The following FRMD4A variants were observed in gnomAD, a reference collection of about 807,000 sequenced individuals.
FRMD4A encodes the protein FERM domain-containing protein 4A.
FRMD4A carries 29 observed loss-of-function variants against 129.1 expected under a neutral mutation model. That is an observed-to-expected ratio of 0.22 (90% CI 0.17 to 0.31). FRMD4A has a LOEUF of 0.31. Ranked by LOEUF, FRMD4A falls within the 10% of genes least tolerant of loss-of-function variation. The pLI is 1.00. For missense variants in FRMD4A, 1,272 were observed against 1,375.8 expected, an observed-to-expected ratio of 0.92 and a Z score of 1.19; for synonymous variants, 634 against 571.6, an observed-to-expected ratio of 1.11 and a Z score of -1.56.
At chr10:13,654,283 C>G in intron 23 of FRMD4A, 133 bp downstream of exon 23, 1 of 710,654 alleles carries the variant, frequency 1.4e-6, no homozygotes, top group Non-Finnish European at 2.6e-6. Flanking sequence ...TGGGGCTTCT[C>G]TTGAAAGGAA....
intron 2 of FRMD4A, among the ~76,000 whole-genome samples, chr10:14,010,624 C>A (rs1327577468): frequency 7.3e-6 from 1 of 136,870 alleles, no homozygotes; most frequent in Non-Finnish European, 1.6e-5. Flanking sequence ...CCATGGGTGT[C>A]GGAGACTTAC....
intron 3 of FRMD4A, among the ~76,000 whole-genome samples, chr10:13,812,353 C>T (rs570693237): frequency 6.6e-6 from 1 of 152,162 alleles, no homozygotes; most frequent in Non-Finnish European, 1.5e-5. Context: ...GATTCGTGTC[C>T]TTATAAGAAG....
At chr10:13,958,875 G>A (rs1245265790) in intron 2 of FRMD4A, among the ~76,000 whole-genome samples, 1 of 152,042 alleles carries the variant, frequency 6.6e-6, no homozygotes. Context: ...ACGAGCCACC[G>A]TGCCCAGGCT....
chr10:13,931,374 G>T (rs2095192922), intron 2 of FRMD4A, among the ~76,000 whole-genome samples: 1 of 152,082 alleles, frequency 6.6e-6, no homozygotes, highest in African/African-American at 2.4e-5. Context: ...TGCAGTTTTA[G>T]CACTGGCCAA....
intron 2 of FRMD4A, among the ~76,000 whole-genome samples, chr10:13,887,519 A>C (rs1321400804): frequency 2.0e-5 from 3 of 152,152 alleles, no homozygotes. Flanking sequence ...TCTCTACTAA[A>C]AATACAAAAA....
intron 3 of FRMD4A, among the ~76,000 whole-genome samples, chr10:13,845,580 C>G (rs1315598665): frequency 1.3e-5 from 2 of 152,108 alleles, no homozygotes; most frequent in African/African-American, 4.8e-5. Context: ...GTAGCAAAGG[C>G]CAGTGACTTG....
chr10:13,851,673 G>A (rs34945695), intron 3 of FRMD4A, among the ~76,000 whole-genome samples: 75,260 of 151,648 alleles, frequency 0.5, 18,793 homozygotes, highest in East Asian at 0.61. Context: ...AGGCCGAGGC[G>A]GGTGGATCAT....
intron 2 of FRMD4A, among the ~76,000 whole-genome samples, chr10:13,912,230 G>A (rs1004404635): frequency 6.6e-6 from 1 of 152,156 alleles, no homozygotes; most frequent in East Asian, 1.9e-4. Context: ...TACAGTAGCA[G>A]TGTTGGGGAC....
rs1451376525 is a variant in FRMD4A, at chr10:13,666,190, G to A, written c.1510C>T (p.Leu504=). ...KQRKTSYLNA[L]KKLQEIENAI... The stretch of plus-strand genomic sequence containing the variant: ...TTTTCAATCTCCTGCAGTTTCTTCA[G>A]TGCATTCAGATACGAGGTTTTCCTT... The change falls in exon 18 of 25, where the codon CTG becomes TTG. Residue 504 remains leucine, a synonymous_variant. Transcript: ENST00000357447. 2.5e-6 allele frequency: 4 copies of A among 1,613,286 alleles called. No individual in the cohort carries two copies. The highest frequency in any genetic ancestry group is 3.4e-6 in the Non-Finnish European group (4 of 1,179,206).
At chr10:14,126,400 AC>A (rs1357208023) in intron 2 of FRMD4A, among the ~76,000 whole-genome samples, 1 of 151,982 alleles carries the variant, frequency 6.6e-6, no homozygotes, top group Admixed American at 6.5e-5. Flanking sequence ...TGATCTCTTG[AC>A]CTTGTGATCC....
chr10:14,108,342 A>G (rs1837694076), intron 2 of FRMD4A, among the ~76,000 whole-genome samples: 1 of 152,248 alleles, frequency 6.6e-6, no homozygotes, highest in East Asian at 1.9e-4. Context: ...CAGACTATTC[A>G]GCAGATCCTT....
chr10:13,690,465 C>A (rs2085577075), intron 15 of FRMD4A, among the ~76,000 whole-genome samples: 1 of 152,220 alleles, frequency 6.6e-6, no homozygotes, highest in Admixed American at 6.5e-5. Context: ...CCTTTGTTCC[C>A]TGATGGAATG....
intron 15 of FRMD4A, among the ~76,000 whole-genome samples, chr10:13,679,474 T>TACACACACACACAC (rs59818032): frequency 0.017 from 543 of 31,434 alleles, 35 homozygotes; most frequent in East Asian, 0.09. Flanking sequence ...TATATATATA[T>TACACACACACACAC]ACACACACAC....
chr10:14,201,491 C>T (rs888204803), intron 2 of FRMD4A, among the ~76,000 whole-genome samples: 9 of 152,174 alleles, frequency 5.9e-5, no homozygotes, highest in Non-Finnish European at 8.8e-5. Flanking sequence ...AATACAGACT[C>T]GCTTTTCACA....
At chr10:13,904,533 C>A (rs1288996626) in intron 2 of FRMD4A, among the ~76,000 whole-genome samples, 1 of 152,204 alleles carries the variant, frequency 6.6e-6, no homozygotes, top group African/African-American at 2.4e-5. Flanking sequence ...ACAGGCATCA[C>A]GGCAGTGCTT....
intron 15 of FRMD4A, among the ~76,000 whole-genome samples, chr10:13,676,705 G>A (rs1179372462): frequency 2.0e-5 from 3 of 152,068 alleles, no homozygotes; most frequent in African/African-American, 4.8e-5. Flanking sequence ...AATACCTAGG[G>A]AGATTAATCT....
At chr10:13,889,355 C>A (rs542452102) in intron 2 of FRMD4A, among the ~76,000 whole-genome samples, 108 of 152,324 alleles carry the variant, frequency 7.1e-4, no homozygotes, top group African/African-American at 2.5e-3. Context: ...GTTCCAGAAC[C>A]AAGCAAGGAG....
At chr10:14,092,967 A>T (rs534419995) in intron 2 of FRMD4A, among the ~76,000 whole-genome samples, 1 of 152,338 alleles carries the variant, frequency 6.6e-6, no homozygotes, top group Non-Finnish European at 1.5e-5. Flanking sequence ...TGTAAAGTCA[A>T]TATGATTGGC....
chr10:14,220,932 T>C (rs962489434), intron 2 of FRMD4A, among the ~76,000 whole-genome samples: 1 of 151,848 alleles, frequency 6.6e-6, no homozygotes, highest in African/African-American at 2.4e-5. Flanking sequence ...CCCTACCATA[T>C]TGGCTGGATT....
Sources: allele counts gnomAD v4.1 joint callset (sites outside exome capture counted in the v4.1 genomes callset), GRCh38; gene constraint gnomAD v4.1.1; transcripts MANE v1.5; gene names NCBI Gene and HGNC (gene_info 2026-07-23, HGNC 2026-07-21).